Variants in DOCK2 observed in about 807,000 individuals in gnomAD.
DOCK2 encodes dedicator of cytokinesis 2.
In DOCK2, 87 loss-of-function variants were observed where a neutral mutation model predicts 248.9. That is an observed-to-expected ratio of 0.35 (90% CI 0.29 to 0.42). The LOEUF (loss-of-function observed/expected upper bound fraction) is 0.42. DOCK2 is among the 10% of genes least tolerant of loss of function. DOCK2 has a pLI of 1.00. For missense variants in DOCK2, 1,747 were observed against 2,300.2 expected, an observed-to-expected ratio of 0.76 and a Z score of 4.92; for synonymous variants, 805 against 821.6, an observed-to-expected ratio of 0.98 and a Z score of 0.35.
intron 25 of DOCK2, among the ~76,000 whole-genome samples, chr5:169,797,503 A>C (rs559452733): frequency 3.2e-4 from 48 of 152,350 alleles, no homozygotes; most frequent in South Asian, 6.2e-4. Context: ...CCACATGACA[A>C]AACTTTCCTA....
chr5:169,759,593 C>T, intron 23 of DOCK2, 112 bp from the exon 24 acceptor site: 1 of 1,171,388 alleles, frequency 8.5e-7, no homozygotes, highest in Non-Finnish European at 1.2e-6. Context: ...TTGTAATGTC[C>T]AGGATGCAGA....
intron 30 of DOCK2, among the ~76,000 whole-genome samples, chr5:170,002,694 T>C (rs1284854475): frequency 6.6e-6 from 1 of 152,242 alleles, no homozygotes; most frequent in Non-Finnish European, 1.5e-5. Context: ...TATCTGGACT[T>C]TACTGTTTAC....
intron 10 of DOCK2, 82 bp from the exon 11 acceptor site, chr5:169,698,292 T>C (rs1427900858): frequency 3.2e-5 from 46 of 1,430,588 alleles, no homozygotes; most frequent in Non-Finnish European, 4.5e-5. Context: ...CTCTACCTCC[T>C]GTCCCATAAG....
chr5:170,005,893 AGTAATT>A (rs1169366243), intron 30 of DOCK2, among the ~76,000 whole-genome samples: 1 of 152,192 alleles, frequency 6.6e-6, no homozygotes, highest in Non-Finnish European at 1.5e-5. Flanking sequence ...TATTCTCACA[AGTAATT>A]GTAAATTGAC....
At chr5:169,673,584 C>T (rs1759163434) in intron 5 of DOCK2, among the ~76,000 whole-genome samples, 1 of 152,074 alleles carries the variant, frequency 6.6e-6, no homozygotes, top group South Asian at 2.1e-4. Flanking sequence ...GCAGTGGGAC[C>T]ATCATAGCTC....
chr5:169,925,156 T>G lies in DOCK2; in HGVS notation c.2800-57912T>G, dbSNP rs182129956. Among the ~76,000 whole-genome samples, 415 of 152,240 alleles carry G rather than the reference T, an allele frequency of 2.7e-3. 1 individual carries two copies. The highest frequency in any genetic ancestry group is 4.6e-3 in the Admixed American group (70 of 15,290). The stretch of plus-strand genomic sequence containing the variant: ...GAAGGCCAAAAAGTGTAATACATGG[T>G]AAAGAGGGGAAAGGGGACTCTGTAG... On this transcript the variant is annotated intron_variant, in intron 27 of 51. Transcript: ENST00000520908.
intron 8 of DOCK2, 38 bp from the exon 9 acceptor site, chr5:169,689,214 C>T (rs767789993): frequency 1.3e-6 from 2 of 1,596,654 alleles, no homozygotes; most frequent in African/African-American, 1.3e-5. Flanking sequence ...GATGTCAGGT[C>T]CCTTGGCAGT....
chr5:169,804,508 AT>A (rs1767225692), intron 26 of DOCK2, among the ~76,000 whole-genome samples: 1 of 143,076 alleles, frequency 7.0e-6, no homozygotes, highest in Non-Finnish European at 1.5e-5. Context: ...GCGCGTAAGC[AT>A]TTTTGTCAAG....
intron 8 of DOCK2, among the ~76,000 whole-genome samples, chr5:169,686,964 T>TA (rs1272676894): frequency 3.3e-5 from 5 of 152,148 alleles, no homozygotes; most frequent in Admixed American, 6.5e-5. Flanking sequence ...GAGGAGGTCT[T>TA]ACATGTCTTG....
At chr5:169,656,475 C>T (rs1758126343) in intron 2 of DOCK2, among the ~76,000 whole-genome samples, 1 of 152,134 alleles carries the variant, frequency 6.6e-6, no homozygotes, top group South Asian at 2.1e-4. Flanking sequence ...CAGCATGTGC[C>T]ACCACGCCTG....
At chr5:169,710,079 C>G (rs899869918) in intron 15 of DOCK2, among the ~76,000 whole-genome samples, 2 of 152,206 alleles carry the variant, frequency 1.3e-5, no homozygotes, top group Non-Finnish European at 2.9e-5. Context: ...AAATATCTAA[C>G]TCAATTCTGA....
intron 25 of DOCK2, among the ~76,000 whole-genome samples, chr5:169,797,383 G>A (rs1229953781): frequency 6.6e-6 from 1 of 152,144 alleles, no homozygotes; most frequent in African/African-American, 2.4e-5. Context: ...CTGGCAAGGA[G>A]CAGGTGAAAA....
intron 25 of DOCK2, among the ~76,000 whole-genome samples, chr5:169,770,290 C>CT (rs60938799): frequency 0.025 from 2,520 of 101,522 alleles, 63 homozygotes; most frequent in African/African-American, 0.038. Context: ...ATTCTTGAGT[C>CT]TTTTTTTTTT....
intron 35 of DOCK2, among the ~76,000 whole-genome samples, chr5:170,035,365 T>C (rs1407844525): frequency 1.3e-5 from 2 of 152,218 alleles, no homozygotes; most frequent in Non-Finnish European, 2.9e-5. Context: ...CCCAGAGCTC[T>C]GTTGTGTGGC....
intron 27 of DOCK2, among the ~76,000 whole-genome samples, chr5:169,965,488 G>C (rs1777265094): frequency 6.6e-6 from 1 of 152,220 alleles, no homozygotes. Flanking sequence ...TAGTGTTGGA[G>C]TCAGGTCAGC....
At chr5:169,832,001 C>A (rs1204720471) in intron 26 of DOCK2, among the ~76,000 whole-genome samples, 1 of 152,132 alleles carries the variant, frequency 6.6e-6, no homozygotes, top group Non-Finnish European at 1.5e-5. Flanking sequence ...AGCACCATTC[C>A]GTTGTGCCAT....
At chr5:169,670,699 G>T (rs952990381) in intron 4 of DOCK2, 102 bp downstream of exon 4, 8 of 1,383,976 alleles carry the variant, frequency 5.8e-6, no homozygotes, top group Non-Finnish European at 8.0e-6. Context: ...GGGTTGCTCA[G>T]CTTATCTTCT....
intron 22 of DOCK2, among the ~76,000 whole-genome samples, chr5:169,724,349 C>G (rs889801889): frequency 1.3e-5 from 2 of 152,142 alleles, no homozygotes; most frequent in African/African-American, 4.8e-5. Flanking sequence ...TATAGTGAAG[C>G]TATTCAGGCA....
intron 22 of DOCK2, among the ~76,000 whole-genome samples, chr5:169,728,010 G>T (rs1255289096): frequency 6.6e-6 from 1 of 152,154 alleles, no homozygotes; most frequent in Non-Finnish European, 1.5e-5. Flanking sequence ...CTTGAACTAA[G>T]GTAGTGACGG....
Sources: allele counts gnomAD v4.1 joint callset (sites outside exome capture counted in the v4.1 genomes callset), GRCh38; gene constraint gnomAD v4.1.1; transcripts MANE v1.5; gene names NCBI Gene and HGNC (gene_info 2026-07-23, HGNC 2026-07-21).